Variants in CP observed in about 807,000 individuals in gnomAD.
CP encodes the protein ceruloplasmin.
CP carries 64 observed loss-of-function variants against 122.4 expected under a neutral mutation model. The observed-to-expected ratio is 0.52, with a 90% CI of 0.43 to 0.64. The LOEUF is 0.64. Ranked by LOEUF, CP falls within the 30% of genes least tolerant of loss-of-function variation. The pLI, the probability that CP is intolerant of heterozygous loss-of-function variation, is 0.00. For missense variants in CP, 1,167 were observed against 1,284.4 expected (o/e 0.91, Z 1.40); for synonymous variants, 440 against 436.4 (o/e 1.01, Z -0.10).
At chr3:149,207,271 C>T in intron 5 of CP, 92 bp downstream of exon 5, 1 of 1,510,198 alleles carries the variant, frequency 6.6e-7, no homozygotes, top group East Asian at 2.3e-5. Flanking sequence ...GTTCAAAGCT[C>T]AGATTATTTC....
chr3:149,178,284 A>G (rs1166646440), intron 16 of CP, 131 bp downstream of exon 16: 3 of 735,852 alleles, frequency 4.1e-6, no homozygotes, highest in Non-Finnish European at 6.8e-6. Context: ...ACAGGATTCT[A>G]CCTGACATAC....
intron 9 of CP, among the ~76,000 whole-genome samples, chr3:149,197,973 A>G (rs1727013576): frequency 6.6e-6 from 1 of 152,174 alleles, no homozygotes; most frequent in Non-Finnish European, 1.5e-5. Context: ...GTTAAATGAT[A>G]CCATACGATA....
intron 9 of CP, among the ~76,000 whole-genome samples, chr3:149,192,688 T>C (rs1726620753): frequency 6.6e-6 from 1 of 151,618 alleles, no homozygotes. Flanking sequence ...CACACATATA[T>C]ATATTATATG....
At chr3:149,210,764 A>AT (rs1305378602) in intron 2 of CP, among the ~76,000 whole-genome samples, 9 of 152,112 alleles carry the variant, frequency 5.9e-5, no homozygotes, top group African/African-American at 1.4e-4. Context: ...TCTACTCTCA[A>AT]TTTTGGAAAT....
chr3:149,202,197 C>T lies in CP; in HGVS notation c.1253G>A (p.Gly418Asp), dbSNP rs1452747243. 1.2e-6 allele frequency: 2 copies of T among 1,614,112 alleles called. No individual in the cohort carries two copies. Among genetic ancestry groups the T allele is most frequent in the Non-Finnish European group, 8.5e-7 (1 of 1,180,020 alleles). Residue 418 changes from glycine to aspartate, a missense_variant, in exon 7 of 19, where the codon GGC (glycine) becomes GAC (aspartate). By Grantham distance (94) the Gly-to-Asp change is moderately conservative. This residue lies in a region of CP where 642 missense variants were observed against 627.3 expected (regional missense o/e 1.02). Coordinates refer to ENST00000264613, the MANE Select transcript of CP (RefSeq NM_000096.4). ...FFEQGTTRIG[G>D]SYKKLVYREY... ...ACGATAAACCAGCTTTTTATAAGAGCCTCCAATTCTTGTGGTACCTTGTTC... is the reference window on the plus strand; with the variant it reads ...ACGATAAACCAGCTTTTTATAAGAGTCTCCAATTCTTGTGGTACCTTGTTC...
At chr3:149,177,572 A>G (rs546930015) in intron 17 of CP, among the ~76,000 whole-genome samples, 8 of 152,326 alleles carry the variant, frequency 5.3e-5, no homozygotes, top group African/African-American at 1.9e-4. Flanking sequence ...TACCTAATAC[A>G]GTGCCTACAT....
intron 1 of CP, among the ~76,000 whole-genome samples, chr3:149,214,501 G>A (rs544488090): frequency 2.0e-5 from 3 of 152,200 alleles, no homozygotes; most frequent in African/African-American, 4.8e-5. Context: ...CTGAGATGAT[G>A]TTTCCCTGTC....
chr3:149,220,364 A>G (rs2108319523), intron 1 of CP, among the ~76,000 whole-genome samples: 1 of 152,244 alleles, frequency 6.6e-6, no homozygotes, highest in South Asian at 2.1e-4. Context: ...CTTGGAAATA[A>G]AAACCACATA....
intron 2 of CP, 101 bp downstream of exon 2, chr3:149,212,350 G>A: frequency 3.9e-6 from 5 of 1,271,940 alleles, no homozygotes; most frequent in Non-Finnish European, 5.6e-6. Flanking sequence ...CTGAATGGCA[G>A]TTATATGTCT....
chr3:149,163,000 A>T (rs1022843751), intron 5 of CP: 3 of 836,760 alleles, frequency 3.6e-6, no homozygotes, highest in Non-Finnish European at 3.9e-6. Context: ...TATCTTATTT[A>T]TGCAGGAGTT....
chr3:149,162,643 G>A lies in CP; in HGVS notation c.*246C>T. 1.9e-6 allele frequency: 3 copies of A among 1,574,262 alleles called. No individual in the cohort carries two copies. In the South Asian group the frequency reaches 3.3e-5, roughly 17 times the overall value. ...ATTCAGCCCAGCTGTCGCTTTATCA[G>A]TGCTATATTTATCTGGAATATAGAG... On this transcript the variant is annotated 3_prime_UTR_variant, in exon 6 of 6. Transcript: ENST00000479771.
At chr3:149,181,165 A>AG (rs1725749423) in intron 14 of CP, among the ~76,000 whole-genome samples, 1 of 152,082 alleles carries the variant, frequency 6.6e-6, no homozygotes, top group East Asian at 1.9e-4. Context: ...CTCGAGTCTG[A>AG]GGTCCTCCCT....
intron 1 of CP, among the ~76,000 whole-genome samples, chr3:149,215,605 T>C (rs1356688738): frequency 1.3e-5 from 2 of 152,260 alleles, no homozygotes; most frequent in Non-Finnish European, 1.5e-5. Flanking sequence ...TATTTGTTTA[T>C]GCTTTGTCTC....
Position 149,182,133 on chromosome 3 carries a change from C to T in CP, c.2426G>A (p.Gly809Asp), listed in dbSNP as rs759298756. The change falls in exon 14 of 19, where the codon GGT becomes GAT. Residue 809 changes from glycine (G) to aspartate (D), a missense_variant and splice_region_variant. By Grantham distance (94) the Gly-to-Asp change is moderately conservative. Coordinates refer to ENST00000264613, the MANE Select transcript of CP (RefSeq NM_000096.4). ...TCCAACATCTGCATGAAGTTGTGGA[C>T]CTGGCAAAAGTGAAGAGGAAGAGTG... ...KAEEEHLGIL[G>D]PQLHADVGDK... 5 of 1,613,998 alleles carry T rather than the reference C, an allele frequency of 3.1e-6. No homozygotes were observed. Among genetic ancestry groups the T allele is most frequent in the Admixed American group, 1.7e-5 (1 of 60,016 alleles).
chr3:149,211,307 T>C (rs1043399749), intron 2 of CP, among the ~76,000 whole-genome samples: 3 of 152,238 alleles, frequency 2.0e-5, no homozygotes, highest in African/African-American at 7.2e-5. Context: ...CTGATAGTTA[T>C]TGAGGTATTA....
rs918069083 is a variant in CP, at chr3:149,206,356, A to G, written c.1037-17T>C. 14 of 1,613,574 alleles carry G rather than the reference A, an allele frequency of 8.7e-6. No individual in the cohort carries two copies. The highest frequency in any genetic ancestry group is 1.1e-5 in the Non-Finnish European group (13 of 1,179,602). On this transcript the variant is annotated splice_polypyrimidine_tract_variant and intron_variant, in intron 5 of 18. Transcript: ENST00000264613. ...GCAAACCGGCTGAAATGAAACAGAA[A>G]GAGGCATTGATTAATGAAGACAATG... is the stretch of plus-strand genomic sequence containing the variant.
chr3:149,210,290 T>A lies in CP; in HGVS notation c.484A>T (p.Thr162Ser), dbSNP rs1428783802. ...GEQYTYMLLATEEQSPGEGDG... is the reference protein window; with the variant it reads ...GEQYTYMLLASEEQSPGEGDG... ...CCTTCCCCAGGACTTTGTTCTTCAG[T>A]GGCAAGCAACATGTATGTATACTGC... The change falls in exon 3 of 19, where the codon ACT (threonine) becomes TCT (serine). Residue 162 changes from threonine (T) to serine (S), a missense_variant. Thr to Ser is a moderately conservative substitution (Grantham distance 58, BLOSUM62 1). Around this residue, in one of 2 missense-constraint regions of CP, gnomAD observed 642 missense variants for 627.3 expected, o/e 1.02. Coordinates refer to ENST00000264613, the MANE Select transcript of CP (RefSeq NM_000096.4). 7 of 1,614,018 alleles carry A rather than the reference T, an allele frequency of 4.3e-6. No individual in the cohort carries two copies. Among genetic ancestry groups the A allele is most frequent in the Non-Finnish European group, 5.1e-6 (6 of 1,179,968 alleles).
chr3:149,191,501 C>T (rs746330354), intron 9 of CP, among the ~76,000 whole-genome samples: 3 of 151,274 alleles, frequency 2.0e-5, no homozygotes, highest in Non-Finnish European at 2.9e-5. Context: ...TAAAGCACAA[C>T]CACTAGCCAA....
At position 149,185,230 on chromosome 3, in the gene CP, G is replaced by A. The variant is rs1726078274; in HGVS notation, c.2285+9C>T. The A allele has an allele frequency of 6.2e-7, 1 of 1,611,724 alleles. No individual in the cohort carries two copies. Among genetic ancestry groups the A allele is most frequent in the Non-Finnish European group, 8.5e-7 (1 of 1,179,554 alleles). Reference sequence around the variant, plus strand: ...TGCTGAAATTGGGAATCAGAGTCTGGAGAATTACTTCTGCTCTTGTAAATG... The same window carrying A: ...TGCTGAAATTGGGAATCAGAGTCTGAAGAATTACTTCTGCTCTTGTAAATG... On this transcript the variant is annotated intron_variant, in intron 12 of 18. Coordinates refer to ENST00000264613, the MANE Select transcript of CP (RefSeq NM_000096.4).
Sources: gnomAD v4.1 joint callset for allele counts (sites outside exome capture counted in the v4.1 genomes callset) on GRCh38, gnomAD v4.1.1 for gene constraint, gnomAD v4.1.1 regional missense constraint, MANE v1.5 for transcripts, NCBI Gene and HGNC (gene_info 2026-07-23, HGNC 2026-07-21) for gene names.